The following CDCA7L variants were observed in gnomAD, a reference collection of about 807,000 sequenced individuals.
CDCA7L encodes cell division cycle-associated 7-like protein.
CDCA7L carries 44 observed loss-of-function variants against 57.4 expected under a neutral mutation model. That is an observed-to-expected ratio of 0.77 (90% CI 0.60 to 0.98). The LOEUF (loss-of-function observed/expected upper bound fraction) is 0.98, where lower values mean the gene tolerates loss of function less well. Ranked by LOEUF, CDCA7L falls within the 50% of genes least tolerant of loss-of-function variation. The pLI, the probability that CDCA7L is intolerant of heterozygous loss-of-function variation, is 0.00. For missense variants in CDCA7L, 644 were observed against 580.6 expected (o/e 1.11, Z -1.12); for synonymous variants, 236 against 202.8 (o/e 1.16, Z -1.39).
chr7:21,902,936 A>C, intron 9 of CDCA7L, 42 bp downstream of exon 9: 1 of 1,597,340 alleles, frequency 6.3e-7, no homozygotes, highest in Non-Finnish European at 8.6e-7. Context: ...GCTCAGCCTC[A>C]AGATTTCAAG....
chr7:21,910,073 A>G (rs1785267439), intron 3 of CDCA7L, among the ~76,000 whole-genome samples: 1 of 152,220 alleles, frequency 6.6e-6, no homozygotes, highest in Non-Finnish European at 1.5e-5. Context: ...TGATCTATGT[A>G]ACTACATCAC....
rs761737725 is a variant in CDCA7L, at chr7:21,902,992, C to T, written c.1320G>A (p.Lys440=). The stretch of plus-strand genomic sequence containing the variant: ...GACTTACTTACCTCTCCAGATATTC[C>T]TTAACATTGTCATAACCATAAAACT... ...LAKFYGYDNV[K]EYLESLQKEL... Residue 440 remains lysine, a synonymous_variant, in exon 9 of 10, where the codon AAG becomes AAA. Transcript: ENST00000406877. 6.2e-7 allele frequency: 1 copy of T among 1,613,956 alleles called. No individual in the cohort carries two copies. Among genetic ancestry groups the T allele is most frequent in the Non-Finnish European group, 8.5e-7 (1 of 1,179,890 alleles).
At chr7:21,904,882 G>A (rs1458194387) in intron 7 of CDCA7L, among the ~76,000 whole-genome samples, 1 of 152,234 alleles carries the variant, frequency 6.6e-6, no homozygotes, top group African/African-American at 2.4e-5. Flanking sequence ...AAAGCTTGAG[G>A]CAGGGGTGGC....
rs370565524 is a variant in CDCA7L at position 21,901,009 on chromosome 7, G to A, written c.*1313C>T. 9.5e-6 allele frequency: 15 copies of A among 1,586,438 alleles called. No homozygotes were observed. Among genetic ancestry groups the A allele is most frequent in the African/African-American group, 4.1e-5 (3 of 73,870 alleles). ...CAACCGCTGTGTTTTTGCCATAGGCGCCCGCTGGGACACCCAAGCAGGAAC... is the reference window on the plus strand; with the variant it reads ...CAACCGCTGTGTTTTTGCCATAGGCACCCGCTGGGACACCCAAGCAGGAAC... On this transcript the variant is annotated 3_prime_UTR_variant, in exon 10 of 10. Coordinates refer to ENST00000406877, the MANE Select transcript of CDCA7L (RefSeq NM_018719.5).
chr7:21,914,493 T>A (rs190211738), intron 2 of CDCA7L, among the ~76,000 whole-genome samples: 1 of 152,210 alleles, frequency 6.6e-6, no homozygotes, highest in African/African-American at 2.4e-5. Context: ...AGAAGTAGCA[T>A]AACTGGATGT....
At position 21,905,657 on chromosome 7, in the gene CDCA7L, T is replaced by C. The variant is rs369363966; in HGVS notation, c.922-26A>G. On this transcript the variant is annotated intron_variant, in intron 6 of 9. Coordinates refer to ENST00000406877, the MANE Select transcript of CDCA7L (RefSeq NM_018719.5). ...CTGCACAATGAACACAAGCAGAACA[T>C]GGAGATGTGTTGAGCAGTTATAAAA... 6.6e-5 allele frequency: 106 copies of C among 1,609,320 alleles called. No homozygotes were observed. In the African/African-American group the frequency reaches 1.3e-3, roughly 20 times the overall value.
chr7:21,910,106 G>A (rs1250966696), intron 3 of CDCA7L, among the ~76,000 whole-genome samples: 2 of 152,214 alleles, frequency 1.3e-5, no homozygotes, highest in African/African-American at 2.4e-5. Flanking sequence ...CTTGGGGGCA[G>A]GTGGGAGGGA....
chr7:21,945,824 G>A lies in CDCA7L; in HGVS notation c.-20C>T, dbSNP rs1278230179. 1 of 1,597,334 alleles carries A rather than the reference G, an allele frequency of 6.3e-7. No homozygotes were observed. The highest frequency in any genetic ancestry group is 8.5e-7 in the Non-Finnish European group (1 of 1,173,460). ...CTCCATTCTTCCTAACCGGGCTCCAGTCTCCTCCCAGCACGCGGCCACGGG... is the reference window on the plus strand; with the variant it reads ...CTCCATTCTTCCTAACCGGGCTCCAATCTCCTCCCAGCACGCGGCCACGGG... On this transcript the variant is annotated 5_prime_UTR_variant, in exon 1 of 10. Transcript: ENST00000406877.
chr7:21,909,111 G>C (rs1029730491), intron 3 of CDCA7L, among the ~76,000 whole-genome samples: 2 of 152,190 alleles, frequency 1.3e-5, no homozygotes, highest in Non-Finnish European at 2.9e-5. Flanking sequence ...ACAGGTTGTA[G>C]CAAAACACCA....
At position 21,918,786 on chromosome 7, in the gene CDCA7L, ATAAGT is replaced by A. The variant is rs1785567291; in HGVS notation, c.25-1897_25-1893del. ...TTTTAGTGATGTTGCTGTTTGGTCA[ATAAGT>A]TAAGGTGGAATCAGCCTGATTTGTT... is the stretch of plus-strand genomic sequence containing the variant. On this transcript the variant is annotated intron_variant, in intron 1 of 9. Transcript: ENST00000406877. Among the ~76,000 whole-genome samples, 8 of 152,320 alleles carry A rather than the reference ATAAGT, an allele frequency of 5.3e-5. No homozygotes were observed. In the South Asian group the frequency reaches 1.4e-3, roughly 28 times the overall value.
rs1202117176 is a variant in CDCA7L at position 21,901,644 on chromosome 7, TTTTAATTTTTAACAAACAACAAA to T, written c.*655_*677del. On this transcript the variant is annotated 3_prime_UTR_variant, in exon 10 of 10. Coordinates refer to ENST00000406877, the MANE Select transcript of CDCA7L (RefSeq NM_018719.5). ...GCAATGCAGCCGGAAAGAACGGAGA[TTTTAATTTTTAACAAACAACAAA>T]TTAAATTATTAGCCCTTAAACTCTT... is the stretch of plus-strand genomic sequence containing the variant. 2 of 158,036 alleles carry T rather than the reference TTTTAATTTTTAACAAACAACAAA, an allele frequency of 1.3e-5. No homozygotes were observed. The highest frequency in any genetic ancestry group is 2.8e-5 in the Non-Finnish European group (2 of 72,012). The allele number at this position is 158,036 out of a possible 1,614,324, so 9.8% of individuals were successfully genotyped here.
intron 1 of CDCA7L, chr7:21,940,390 CCATT>C: frequency 1.5e-6 from 1 of 675,538 alleles, no homozygotes. Flanking sequence ...GCCCTTCCAT[CCATT>C]CAATGGATAT....
chr7:21,901,337 ATTCTAACTT>A lies in CDCA7L; in HGVS notation c.*976_*984del. ...TTGCTGCACTGTTCCCATGCACATTATTCTAACTTTTTAGTAACTCACACGTGCATTCTT... is the reference window on the plus strand; with the variant it reads ...TTGCTGCACTGTTCCCATGCACATTATTTAGTAACTCACACGTGCATTCTT... On this transcript the variant is annotated 3_prime_UTR_variant, in exon 10 of 10. Transcript: ENST00000406877. 7.1e-7 allele frequency: 1 copy of A among 1,411,270 alleles called. No individual in the cohort carries two copies. The highest frequency in any genetic ancestry group is 2.5e-5 in the East Asian group (1 of 40,792). The allele number at this position is 1,411,270 out of a possible 1,614,324, so 87.4% of individuals were successfully genotyped here. A position where few individuals can be genotyped will look rare whatever the true frequency, so the allele number is the denominator to read the frequency against.
intron 2 of CDCA7L, among the ~76,000 whole-genome samples, chr7:21,913,134 T>C (rs1785384829): frequency 6.6e-6 from 1 of 152,158 alleles, no homozygotes; most frequent in African/African-American, 2.4e-5. Context: ...ATATACTTCT[T>C]TGAGCTCATA....
intron 7 of CDCA7L, among the ~76,000 whole-genome samples, chr7:21,905,079 A>G (rs1352658979): frequency 6.6e-6 from 1 of 152,222 alleles, no homozygotes; most frequent in Non-Finnish European, 1.5e-5. Context: ...AAAAAAATGC[A>G]GAACGCAAAG....
At chr7:21,903,155 C>G in intron 8 of CDCA7L, 41 bp from the exon 9 acceptor site, 3 of 1,589,284 alleles carry the variant, frequency 1.9e-6, no homozygotes, top group Non-Finnish European at 2.6e-6. Flanking sequence ...TCATTATCTA[C>G]AGGGTCTGGC....
chr7:21,945,117 G>T (rs1240718763), intron 1 of CDCA7L, among the ~76,000 whole-genome samples: 1 of 152,072 alleles, frequency 6.6e-6, no homozygotes, highest in Non-Finnish European at 1.5e-5. Context: ...ACGTTTGGGG[G>T]AACTTACTCA....
In CDCA7L at chr7:21,908,506, A is replaced by T; in HGVS notation, c.305T>A (p.Val102Asp). The change falls in exon 4 of 10, where the codon GTC becomes GAC. Residue 102 changes from valine to aspartate, a missense_variant and splice_region_variant. Val to Asp is a radical substitution (Grantham distance 152). Coordinates refer to ENST00000406877, the MANE Select transcript of CDCA7L (RefSeq NM_018719.5). The stretch of plus-strand genomic sequence containing the variant: ...ATCATCACTCAAATCTGACTCCACG[A>T]CCTAATAAAATAAGAGCAAGAAAAA... ...LNGKTNPEVM[V>D]VESDLSDDGK... The T allele has an allele frequency of 2.0e-6, 3 of 1,504,682 alleles. No homozygotes were observed. The highest frequency in any genetic ancestry group is 1.4e-5 in the South Asian group (1 of 71,054). The allele number at this position is 1,504,682 out of a possible 1,614,324, so 93.2% of individuals were successfully genotyped here.
chr7:21,919,347 C>T lies in CDCA7L; in HGVS notation c.25-2453G>A, dbSNP rs563320977. Among the ~76,000 whole-genome samples, 5 of 152,262 alleles carry T rather than the reference C, an allele frequency of 3.3e-5. No homozygotes were observed. In the South Asian group the frequency reaches 1.0e-3, roughly 32 times the overall value. ...ATTGGGAGCTTCTTGGAAAGTCATC[C>T]TCTGTCTTTCTGACATGGCACTAAG... On this transcript the variant is annotated intron_variant, in intron 1 of 9. Transcript: ENST00000406877.
Sources: gnomAD v4.1 joint callset for allele counts (sites outside exome capture counted in the v4.1 genomes callset) on GRCh38, gnomAD v4.1.1 for gene constraint, MANE v1.5 for transcripts, NCBI Gene and HGNC (gene_info 2026-07-23, HGNC 2026-07-21) for gene names.